KCNAB1: variants seen among roughly 807,000 people sequenced by gnomAD.
KCNAB1 encodes potassium voltage-gated channel subfamily A regulatory beta subunit 1.
KCNAB1 carries 35 observed loss-of-function variants against 64.6 expected under a neutral mutation model. That is an observed-to-expected ratio of 0.54 (90% confidence interval 0.41 to 0.72). The LOEUF (loss-of-function observed/expected upper bound fraction) is 0.72. KCNAB1 is among the 30% of genes least tolerant of loss of function. The pLI, the probability that KCNAB1 is intolerant of heterozygous loss-of-function variation, is 0.00. For missense variants in KCNAB1, 401 were observed against 512.9 expected (o/e 0.78, Z 2.11); for synonymous variants, 177 against 183.8 (o/e 0.96, Z 0.30).
At chr3:156,321,377 C>A (rs964735454) in intron 1 of KCNAB1, among the ~76,000 whole-genome samples, 14 of 152,104 alleles carry the variant, frequency 9.2e-5, no homozygotes, top group African/African-American at 3.4e-4. Context: ...TAATATTGGC[C>A]CATTATATCC....
chr3:156,471,485 C>T (rs1308889136), intron 7 of KCNAB1, among the ~76,000 whole-genome samples: 1 of 152,198 alleles, frequency 6.6e-6, no homozygotes, highest in Non-Finnish European at 1.5e-5. Flanking sequence ...TCCTGCTTCT[C>T]CTGTTTTCCT....
intron 13 of KCNAB1, among the ~76,000 whole-genome samples, chr3:156,533,528 G>A (rs1247151130): frequency 1.3e-5 from 2 of 152,168 alleles, no homozygotes; most frequent in East Asian, 1.9e-4. Context: ...GACACCATGG[G>A]GTTAGAGTTC....
chr3:156,330,073 GA>G (rs1205445598), intron 1 of KCNAB1, among the ~76,000 whole-genome samples: 3 of 151,944 alleles, frequency 2.0e-5, no homozygotes, highest in Non-Finnish European at 4.4e-5. Context: ...GAGGCCTTCA[GA>G]AAAAAATTTA....
intron 1 of KCNAB1, among the ~76,000 whole-genome samples, chr3:156,162,779 C>G (rs893698154): frequency 4.6e-5 from 7 of 152,148 alleles, no homozygotes; most frequent in Non-Finnish European, 1.0e-4. Context: ...TCTGCCCACC[C>G]TGCTGGCTCC....
intron 1 of KCNAB1, among the ~76,000 whole-genome samples, chr3:156,297,505 G>T (rs1270174231): frequency 6.6e-6 from 1 of 151,898 alleles, no homozygotes; most frequent in African/African-American, 2.4e-5. Context: ...AAGAGTTGTA[G>T]CTATGGAATA....
In KCNAB1 at chr3:156,121,015, C is replaced by T. The variant is rs769607405; in HGVS notation, c.275+129C>T. 39 of 1,061,492 alleles carry T rather than the reference C, an allele frequency of 3.7e-5. No individual in the cohort carries two copies. In the Middle Eastern group the frequency reaches 9.3e-4, roughly 25 times the overall value. 65.8% of individuals were successfully genotyped at this position (1,061,492 alleles called of 1,614,324 possible). A position where few individuals can be genotyped will look rare whatever the true frequency, so the allele number is the denominator to read the frequency against. ...CTAATTGCCTTAGAGATGATTGGCA[C>T]TTCAGAATGTGTAACCACAAAGAGC... is the stretch of plus-strand genomic sequence containing the variant. On this transcript the variant is annotated intron_variant, in intron 1 of 13. Transcript: ENST00000490337.
At chr3:156,293,239 T>C (rs1173110073) in intron 1 of KCNAB1, among the ~76,000 whole-genome samples, 1 of 152,234 alleles carries the variant, frequency 6.6e-6, no homozygotes, top group African/African-American at 2.4e-5. Flanking sequence ...CTACTGTGCT[T>C]CTAGTTTCTA....
At chr3:156,538,659 T>G (rs772284273), downstream of KCNAB1, 1 of 152,254 alleles carries the variant, frequency 6.6e-6, no homozygotes, top group Non-Finnish European at 1.5e-5. Flanking sequence ...TTTCCATATA[T>G]GTAAAACATA....
intron 1 of KCNAB1, among the ~76,000 whole-genome samples, chr3:156,189,516 T>C (rs1713421294): frequency 6.6e-6 from 1 of 152,148 alleles, no homozygotes; most frequent in African/African-American, 2.4e-5. Flanking sequence ...TAAAGGGGTG[T>C]TGGGGGACAG....
At chr3:156,234,227 G>T (rs1263491053) in intron 1 of KCNAB1, among the ~76,000 whole-genome samples, 1 of 152,072 alleles carries the variant, frequency 6.6e-6, no homozygotes, top group East Asian at 1.9e-4. Flanking sequence ...GAGAGGGAGT[G>T]TCCTGGAAAC....
At chr3:156,482,748 G>T (rs1714922640) in intron 8 of KCNAB1, among the ~76,000 whole-genome samples, 1 of 151,988 alleles carries the variant, frequency 6.6e-6, no homozygotes, top group South Asian at 2.1e-4. Flanking sequence ...TTATTGTGAG[G>T]ATTATTTGAG....
intron 1 of KCNAB1, among the ~76,000 whole-genome samples, chr3:156,147,470 A>C (rs531705673): frequency 5.3e-5 from 8 of 152,328 alleles, no homozygotes; most frequent in African/African-American, 1.9e-4. Context: ...ACATTGTTTA[A>C]ATAGAAACCA....
intron 1 of KCNAB1, among the ~76,000 whole-genome samples, chr3:156,121,417 A>G (rs1713338619): frequency 6.6e-6 from 1 of 152,196 alleles, no homozygotes; most frequent in African/African-American, 2.4e-5. Flanking sequence ...TCTAAGACAG[A>G]TAACATCAGG....
intron 1 of KCNAB1, among the ~76,000 whole-genome samples, chr3:156,213,128 G>A (rs942913833): frequency 2.0e-5 from 3 of 152,046 alleles, no homozygotes; most frequent in Non-Finnish European, 4.4e-5. Flanking sequence ...TAAGGAGGAA[G>A]GTGCTGTCCT....
intron 1 of KCNAB1, among the ~76,000 whole-genome samples, chr3:156,174,117 C>G (rs1712192408): frequency 6.6e-6 from 1 of 152,168 alleles, no homozygotes; most frequent in Non-Finnish European, 1.5e-5. Context: ...TTGTAATGAT[C>G]TCTTTATGTT....
At chr3:156,468,203 C>T (rs183608090) in intron 7 of KCNAB1, among the ~76,000 whole-genome samples, 2 of 152,080 alleles carry the variant, frequency 1.3e-5, no homozygotes, top group South Asian at 2.1e-4. Context: ...AACAAGACTA[C>T]GTTGAAATAT....
chr3:156,499,805 G>A (rs71310477), intron 8 of KCNAB1, among the ~76,000 whole-genome samples: 11,935 of 152,108 alleles, frequency 0.078, 522 homozygotes, highest in East Asian at 0.15. Context: ...CCAGAGCCAA[G>A]CACAAGGTAG....
intron 4 of KCNAB1, 48 bp downstream of exon 4, chr3:156,457,580 A>C: frequency 1.3e-6 from 2 of 1,492,102 alleles, no homozygotes; most frequent in South Asian, 2.3e-5. Flanking sequence ...TGTAGCACCA[A>C]AAGAATCAGC....
intron 8 of KCNAB1, among the ~76,000 whole-genome samples, chr3:156,506,471 C>T (rs1016283368): frequency 2.8e-5 from 4 of 142,786 alleles, no homozygotes; most frequent in Non-Finnish European, 4.7e-5. Context: ...CAAAGGCTCA[C>T]TTCAAACTGT....
Sources: allele counts gnomAD v4.1 joint callset (sites outside exome capture counted in the v4.1 genomes callset), GRCh38; gene constraint gnomAD v4.1.1; transcripts MANE v1.5; gene names NCBI Gene and HGNC (gene_info 2026-07-23, HGNC 2026-07-21).